The following ZFPM2 variants were observed in gnomAD, a reference collection of about 807,000 sequenced individuals.
ZFPM2 encodes zinc finger protein, FOG family member 2.
ZFPM2 carries 20 observed loss-of-function variants against 98.6 expected under a neutral mutation model. The ratio of observed to expected loss-of-function variants is 0.20; its 90% CI spans 0.14 to 0.29. The LOEUF is 0.29. ZFPM2 is among the 10% of genes least tolerant of loss of function. ZFPM2 has a pLI of 1.00. For missense variants in ZFPM2, 1,310 were observed against 1,388.6 expected (o/e 0.94, Z 0.90); for synonymous variants, 518 against 502.7 (o/e 1.03, Z -0.41).
chr8:105,739,305 A>G (rs1168288674), intron 5 of ZFPM2, among the ~76,000 whole-genome samples: 1 of 152,068 alleles, frequency 6.6e-6, no homozygotes, highest in East Asian at 1.9e-4. Flanking sequence ...TACAGATCAA[A>G]CAGCTCAGTC....
At chr8:105,536,049 A>T (rs2046398537) in intron 3 of ZFPM2, among the ~76,000 whole-genome samples, 1 of 152,158 alleles carries the variant, frequency 6.6e-6, no homozygotes, top group African/African-American at 2.4e-5. Flanking sequence ...CAAAGTTTTA[A>T]TGAGCCCTGG....
intron 5 of ZFPM2, among the ~76,000 whole-genome samples, chr8:105,648,841 G>C (rs1366202510): frequency 6.6e-6 from 1 of 152,150 alleles, no homozygotes; most frequent in Non-Finnish European, 1.5e-5. Flanking sequence ...TTTTGGCTTA[G>C]GATTGACTTG....
Position 105,347,221 on chromosome 8 carries a change from C to T in ZFPM2, c.40+28240C>T, listed in dbSNP as rs185988606. 1.4e-3 allele frequency among the ~76,000 whole-genome samples: 211 copies of T among 150,456 alleles called. 1 individual carries two copies. The highest frequency in any genetic ancestry group is 0.014 in the Middle Eastern group (4 of 292). On this transcript the variant is annotated intron_variant, in intron 1 of 7. Transcript: ENST00000407775. Reference sequence around the variant, plus strand: ...CTTTTCAGAAAGTATTCAATCTAAGCGTGATTATTCTTTTAACATTAAAAA... The same window carrying T: ...CTTTTCAGAAAGTATTCAATCTAAGTGTGATTATTCTTTTAACATTAAAAA...
chr8:105,610,902 A>C (rs1303293915), intron 4 of ZFPM2, among the ~76,000 whole-genome samples: 1 of 152,194 alleles, frequency 6.6e-6, no homozygotes, highest in East Asian at 1.9e-4. Flanking sequence ...GTGACAAGTG[A>C]TATGTAGGGA....
intron 3 of ZFPM2, among the ~76,000 whole-genome samples, chr8:105,487,408 C>A (rs1206965086): frequency 6.6e-6 from 1 of 152,134 alleles, no homozygotes; most frequent in Admixed American, 6.5e-5. Context: ...TGTGAGCCAC[C>A]ATATCCAGCC....
At chr8:105,504,255 C>G (rs573912213) in intron 3 of ZFPM2, among the ~76,000 whole-genome samples, 1 of 152,214 alleles carries the variant, frequency 6.6e-6, no homozygotes, top group Admixed American at 6.5e-5. Flanking sequence ...CACAAGATTG[C>G]TCAGAGAATA....
At chr8:105,506,444 T>C (rs1300174831) in intron 3 of ZFPM2, among the ~76,000 whole-genome samples, 1 of 152,148 alleles carries the variant, frequency 6.6e-6, no homozygotes, top group Non-Finnish European at 1.5e-5. Context: ...AAAAATGAAA[T>C]ATAATATTTT....
Position 105,801,043 on chromosome 8 carries a change from C to G in ZFPM2, c.965-4C>G. 1 of 1,610,412 alleles carries G rather than the reference C, an allele frequency of 6.2e-7. No individual in the cohort carries two copies. Among genetic ancestry groups the G allele is most frequent in the South Asian group, 1.1e-5 (1 of 90,616 alleles). On this transcript the variant is annotated splice_polypyrimidine_tract_variant and splice_region_variant and intron_variant, in intron 7 of 7. Transcript: ENST00000407775. Reference sequence around the variant, plus strand: ...CATTGTTCTTATTTTGTATGTCTCTCTAGGAGTGAAAATGGAAGAATTCCT... The same window carrying G: ...CATTGTTCTTATTTTGTATGTCTCTGTAGGAGTGAAAATGGAAGAATTCCT...
chr8:105,445,819 A>G (rs909304306), intron 3 of ZFPM2, among the ~76,000 whole-genome samples: 5 of 151,984 alleles, frequency 3.3e-5, no homozygotes, highest in African/African-American at 9.7e-5. Flanking sequence ...GGCCCAGGCT[A>G]GTCTCAAACT....
intron 3 of ZFPM2, among the ~76,000 whole-genome samples, chr8:105,508,857 A>G (rs1399285411): frequency 6.6e-6 from 1 of 151,378 alleles, no homozygotes; most frequent in Non-Finnish European, 1.5e-5. Context: ...TTTGAAAAAA[A>G]AAAATTTTTT....
At chr8:105,451,791 A>G (rs1169494163) in intron 3 of ZFPM2, 1 of 152,164 alleles carries the variant, frequency 6.6e-6, no homozygotes, top group Non-Finnish European at 1.5e-5. Flanking sequence ...CACTCAGCAA[A>G]CTGACACAGC....
intron 3 of ZFPM2, among the ~76,000 whole-genome samples, chr8:105,532,209 A>G (rs1285181537): frequency 2.6e-5 from 4 of 152,130 alleles, no homozygotes; most frequent in African/African-American, 9.7e-5. Flanking sequence ...GCCCCTGTTG[A>G]TAATTTCAAC....
chr8:105,418,835 A>C (rs374331852), intron 1 of ZFPM2: 6 of 542,618 alleles, frequency 1.1e-5, no homozygotes, highest in Non-Finnish European at 2.1e-5. Context: ...TAAAGTGCAC[A>C]GTTTTGCTCT....
At chr8:105,555,641 G>A (rs1469187555) in intron 3 of ZFPM2, among the ~76,000 whole-genome samples, 1 of 152,122 alleles carries the variant, frequency 6.6e-6, no homozygotes, top group Non-Finnish European at 1.5e-5. Context: ...TGTTTCTGTT[G>A]AGGTGAACTA....
chr8:105,593,883 C>A (rs1365014498), intron 4 of ZFPM2, among the ~76,000 whole-genome samples: 1 of 152,014 alleles, frequency 6.6e-6, no homozygotes, highest in African/African-American at 2.4e-5. Context: ...CTGCAAAGAG[C>A]AAAGAAATCA....
intron 4 of ZFPM2, among the ~76,000 whole-genome samples, chr8:105,594,635 C>T (rs1262143014): frequency 2.0e-5 from 3 of 152,064 alleles, no homozygotes; most frequent in African/African-American, 4.8e-5. Flanking sequence ...AGGTTTCAGA[C>T]ACTCCTCAAA....
intron 1 of ZFPM2, among the ~76,000 whole-genome samples, chr8:105,355,234 T>C (rs1229507947): frequency 1.3e-5 from 2 of 152,218 alleles, no homozygotes; most frequent in African/African-American, 4.8e-5. Context: ...TTTGAAGTTT[T>C]AGTTTTAGAA....
chr8:105,692,113 G>A (rs1202267782), intron 5 of ZFPM2, among the ~76,000 whole-genome samples: 1 of 152,134 alleles, frequency 6.6e-6, no homozygotes, highest in African/African-American at 2.4e-5. Context: ...TGAACATAGT[G>A]AGTTGTGATT....
intron 3 of ZFPM2, among the ~76,000 whole-genome samples, chr8:105,448,599 G>A (rs1050467237): frequency 2.0e-5 from 3 of 151,970 alleles, no homozygotes; most frequent in African/African-American, 4.8e-5. Context: ...CAATAATTAA[G>A]CATCTCATAG....
Sources: allele counts gnomAD v4.1 joint callset (sites outside exome capture counted in the v4.1 genomes callset), GRCh38; gene constraint gnomAD v4.1.1; transcripts MANE v1.5; gene names NCBI Gene and HGNC (gene_info 2026-07-23, HGNC 2026-07-21).